AGBL4: variants seen among roughly 807,000 people sequenced by gnomAD.
The protein encoded by AGBL4 is AGBL carboxypeptidase 4.
In AGBL4, 58 loss-of-function variants were observed where a neutral mutation model predicts 66.4. The observed-to-expected ratio is 0.87, with a 90% confidence interval of 0.71 to 1.09. AGBL4 has a LOEUF of 1.09. Ranked by LOEUF, AGBL4 falls within the 50% of genes least tolerant of loss-of-function variation. The pLI is 0.00. For synonymous variants in AGBL4, 234 were observed against 222.9 expected (o/e 1.05, Z -0.44); for missense variants, 579 against 631.0 (o/e 0.92, Z 0.88).
intron 9 of AGBL4, among the ~76,000 whole-genome samples, chr1:48,614,915 A>C (rs987033714): frequency 3.9e-5 from 6 of 152,202 alleles, no homozygotes; most frequent in African/African-American, 1.4e-4. Context: ...GGTTATTCTT[A>C]GAAAATAAAT....
chr1:49,237,922 C>A (rs1416431808), intron 4 of AGBL4, among the ~76,000 whole-genome samples: 2 of 151,810 alleles, frequency 1.3e-5, no homozygotes, highest in East Asian at 3.9e-4. Context: ...TTTATTTTAT[C>A]TAGAATGTCT....
chr1:49,253,914 C>G (rs114949358), intron 3 of AGBL4, among the ~76,000 whole-genome samples: 4,001 of 152,194 alleles, frequency 0.026, 72 homozygotes, highest in Non-Finnish European at 0.042. Context: ...AATATAAAAA[C>G]CACATGATTA....
At chr1:49,682,798 A>G (rs903585341) in intron 3 of AGBL4, among the ~76,000 whole-genome samples, 6 of 152,202 alleles carry the variant, frequency 3.9e-5, no homozygotes, top group Non-Finnish European at 8.8e-5. Flanking sequence ...GGGCTTCGCA[A>G]ATTATGTAGA....
chr1:48,757,398 T>C (rs1643993725), intron 6 of AGBL4, among the ~76,000 whole-genome samples: 1 of 152,252 alleles, frequency 6.6e-6, no homozygotes, highest in African/African-American at 2.4e-5. Flanking sequence ...ACTTTTGAAG[T>C]TGCAAACCAT....
chr1:49,029,681 C>G (rs917310092), intron 5 of AGBL4, among the ~76,000 whole-genome samples: 4 of 151,976 alleles, frequency 2.6e-5, no homozygotes, highest in Non-Finnish European at 4.4e-5. Flanking sequence ...ATAAGGTGAT[C>G]CTAAAATTCA....
At chr1:48,534,995 G>T in intron 12 of AGBL4, 79 bp from the exon 13 acceptor site, 1 of 1,296,712 alleles carries the variant, frequency 7.7e-7, no homozygotes, top group Non-Finnish European at 1.1e-6. Context: ...CTATTCATCT[G>T]TCATTGAAGG....
intron 3 of AGBL4, among the ~76,000 whole-genome samples, chr1:49,593,334 G>A (rs1157172022): frequency 6.6e-6 from 1 of 151,534 alleles, no homozygotes; most frequent in Non-Finnish European, 1.5e-5. Context: ...GTGAACCCAG[G>A]AGGCAGAGCT....
chr1:49,398,333 T>TTCTCTCTCTC (rs36025670), intron 3 of AGBL4, among the ~76,000 whole-genome samples: 48 of 143,708 alleles, frequency 3.3e-4, no homozygotes, highest in African/African-American at 1.3e-3. Flanking sequence ...CTCTCTCTCT[T>TTCTCTCTCTC]TCTCTCTCTC....
At chr1:49,829,697 C>T (rs2148011191) in intron 2 of AGBL4, among the ~76,000 whole-genome samples, 1 of 152,040 alleles carries the variant, frequency 6.6e-6, no homozygotes, top group Admixed American at 6.6e-5. Flanking sequence ...ATACATGTGC[C>T]ACGGTGGTTT....
intron 6 of AGBL4, among the ~76,000 whole-genome samples, chr1:48,783,686 G>A (rs987117132): frequency 2.6e-5 from 4 of 152,090 alleles, no homozygotes; most frequent in Admixed American, 6.5e-5. Flanking sequence ...GGATCACCTT[G>A]GGAATTAAAA....
intron 4 of AGBL4, among the ~76,000 whole-genome samples, chr1:49,150,094 G>A (rs890648022): frequency 2.0e-5 from 3 of 151,940 alleles, no homozygotes; most frequent in Non-Finnish European, 4.4e-5. Flanking sequence ...TATAGACATA[G>A]GCATCACAAA....
At chr1:48,965,606 G>A (rs1266418498) in intron 5 of AGBL4, among the ~76,000 whole-genome samples, 4 of 152,082 alleles carry the variant, frequency 2.6e-5, no homozygotes, top group Admixed American at 6.5e-5. Context: ...CCTGGTCTTC[G>A]TTAAGGTGCC....
At chr1:48,683,615 T>A (rs1179670928) in intron 6 of AGBL4, among the ~76,000 whole-genome samples, 3 of 152,188 alleles carry the variant, frequency 2.0e-5, no homozygotes, top group Non-Finnish European at 4.4e-5. Context: ...TGGGAGGTTG[T>A]GTGTAAGGCT....
chr1:48,769,017 C>T (rs1397395612), intron 6 of AGBL4, among the ~76,000 whole-genome samples: 3 of 152,164 alleles, frequency 2.0e-5, no homozygotes, highest in Non-Finnish European at 4.4e-5. Flanking sequence ...GACACCAAAT[C>T]GAGGCCTGCC....
intron 3 of AGBL4, among the ~76,000 whole-genome samples, chr1:49,581,968 T>A (rs1363909771): frequency 6.6e-6 from 1 of 152,034 alleles, no homozygotes; most frequent in African/African-American, 2.4e-5. Context: ...TGCTCTTGTG[T>A]TGGGAGTAGT....
At chr1:49,832,013 T>C (rs561399092) in intron 2 of AGBL4, among the ~76,000 whole-genome samples, 2 of 152,058 alleles carry the variant, frequency 1.3e-5, no homozygotes, top group African/African-American at 4.8e-5. Flanking sequence ...ATTATTATTA[T>C]ACTTTAACTT....
intron 3 of AGBL4, among the ~76,000 whole-genome samples, chr1:49,399,712 G>A (rs1009443292): frequency 5.3e-5 from 8 of 152,024 alleles, no homozygotes; most frequent in African/African-American, 1.9e-4. Context: ...CTTTCCTACA[G>A]AGTTGTTTGA....
At chr1:49,158,196 T>A (rs1646471377) in intron 4 of AGBL4, among the ~76,000 whole-genome samples, 1 of 152,134 alleles carries the variant, frequency 6.6e-6, no homozygotes, top group African/African-American at 2.4e-5. Context: ...GATTAAAGAC[T>A]TAAATGTAAG....
intron 6 of AGBL4, among the ~76,000 whole-genome samples, chr1:48,733,701 G>A (rs1044239835): frequency 6.6e-6 from 1 of 152,150 alleles, no homozygotes; most frequent in Non-Finnish European, 1.5e-5. Context: ...ATCTTACGAG[G>A]TAAGATGATT....
Sources: allele counts gnomAD v4.1 joint callset (sites outside exome capture counted in the v4.1 genomes callset), GRCh38; gene constraint gnomAD v4.1.1; transcripts MANE v1.5; gene names NCBI Gene and HGNC (gene_info 2026-07-23, HGNC 2026-07-21).